Variants in GRHL2 observed in about 807,000 individuals in gnomAD.
GRHL2 encodes grainyhead-like protein 2 homolog.
GRHL2 carries 21 observed loss-of-function variants against 83.8 expected under a neutral mutation model. That is an observed-to-expected ratio of 0.25 (90% CI 0.18 to 0.36). The LOEUF is 0.36. GRHL2 is among the 10% of genes least tolerant of loss of function. GRHL2 has a pLI of 1.00. For missense variants in GRHL2, 623 were observed against 781.8 expected, an observed-to-expected ratio of 0.80 and a Z score of 2.42; for synonymous variants, 280 against 278.9, an observed-to-expected ratio of 1.00 and a Z score of -0.04.
At chr8:101,633,788 A>G (rs1006073800) in intron 11 of GRHL2, among the ~76,000 whole-genome samples, 3 of 151,914 alleles carry the variant, frequency 2.0e-5, no homozygotes, top group Non-Finnish European at 4.4e-5. Context: ...TCTGTGCCCC[A>G]TGGGATTTTA....
intron 7 of GRHL2, among the ~76,000 whole-genome samples, chr8:101,583,263 T>G (rs1700159160): frequency 1.3e-5 from 2 of 152,194 alleles, no homozygotes; most frequent in African/African-American, 4.8e-5. Flanking sequence ...AGGGATGGAC[T>G]GGCAATGGAA....
chr8:101,492,529 C>T lies in GRHL2; in HGVS notation c.-241C>T, dbSNP rs185836435. 175 of 613,068 alleles carry T rather than the reference C, an allele frequency of 2.9e-4. 1 individual carries two copies. In the African/African-American group the frequency reaches 3.0e-3, roughly 11 times the overall value. The allele number at this position is 613,068 out of a possible 1,614,324, so 38.0% of individuals were successfully genotyped here. ...CCAGGAGGACTCCGCGCCGCCCGGC[C>T]GCCTCCGAGCTCGGGCCCCATGTGA... On this transcript the variant is annotated 5_prime_UTR_variant, in exon 1 of 16. Transcript: ENST00000646743.
intron 4 of GRHL2, among the ~76,000 whole-genome samples, chr8:101,559,346 A>G (rs1471781515): frequency 2.1e-5 from 2 of 96,424 alleles, no homozygotes; most frequent in South Asian, 3.3e-4. Context: ...TGTCTCTACT[A>G]AAAATACAAA....
chr8:101,574,054 G>A (rs1811883349), intron 6 of GRHL2, among the ~76,000 whole-genome samples: 2 of 152,210 alleles, frequency 1.3e-5, no homozygotes. Context: ...CTGTCTGACT[G>A]TATCCGAGGA....
chr8:101,564,450 AG>A (rs1248860295), intron 4 of GRHL2, among the ~76,000 whole-genome samples: 1 of 152,164 alleles, frequency 6.6e-6, no homozygotes, highest in Non-Finnish European at 1.5e-5. Context: ...CAGTGGTAGC[AG>A]GGAAGGGAGT....
chr8:101,625,948 T>A (rs889393165), intron 9 of GRHL2, among the ~76,000 whole-genome samples: 1 of 152,066 alleles, frequency 6.6e-6, no homozygotes, highest in Non-Finnish European at 1.5e-5. Flanking sequence ...CAGGGTGTAT[T>A]CATCGTAATT....
intron 4 of GRHL2, among the ~76,000 whole-genome samples, chr8:101,559,353 C>CAAAAAAAAAAAAAAAAAAAAAA (rs34176940): frequency 1.0e-4 from 9 of 88,966 alleles, no homozygotes; most frequent in African/African-American, 3.3e-4. Context: ...ACTAAAAATA[C>CAAAAAAAAAAAAAAAAAAAAAA]AAAAAAAAAA....
At chr8:101,526,333 G>A (rs1353587452) in intron 1 of GRHL2, among the ~76,000 whole-genome samples, 2 of 152,008 alleles carry the variant, frequency 1.3e-5, no homozygotes, top group African/African-American at 4.8e-5. Context: ...AACTTATATT[G>A]TGTGTTATTC....
intron 1 of GRHL2, among the ~76,000 whole-genome samples, chr8:101,515,444 A>G (rs1246380734): frequency 3.9e-5 from 6 of 152,162 alleles, no homozygotes; most frequent in African/African-American, 1.4e-4. Context: ...ATAGTGAGGA[A>G]AAAGAAAATG....
intron 9 of GRHL2, among the ~76,000 whole-genome samples, chr8:101,623,986 T>TCACAGTAGGACAGTA (rs1181012462): frequency 3.5e-3 from 281 of 79,782 alleles, no homozygotes; most frequent in African/African-American, 0.013. Flanking sequence ...ACAGGACAGT[T>TCACAGTAGGACAGTA]CACAGTAGGA....
intron 1 of GRHL2, among the ~76,000 whole-genome samples, chr8:101,512,836 G>A (rs1461376283): frequency 6.6e-6 from 1 of 152,124 alleles, no homozygotes; most frequent in Non-Finnish European, 1.5e-5. Flanking sequence ...CAAAGTACTG[G>A]GTGGCTTATA....
chr8:101,610,421 A>T (rs996442502), intron 8 of GRHL2, among the ~76,000 whole-genome samples: 1 of 150,634 alleles, frequency 6.6e-6, no homozygotes, highest in Non-Finnish European at 1.5e-5. Context: ...TGGGAATGCT[A>T]AGGAGGCCAC....
chr8:101,524,024 CCT>C lies in GRHL2; in HGVS notation c.21-19211_21-19210del, dbSNP rs577432281. Among the ~76,000 whole-genome samples, 554 of 152,208 alleles carry C rather than the reference CCT, an allele frequency of 3.6e-3. 6 individuals carry two copies. Among genetic ancestry groups the C allele is most frequent in the Non-Finnish European group, 4.7e-3 (317 of 68,016 alleles). On this transcript the variant is annotated intron_variant, in intron 1 of 15. Coordinates refer to ENST00000646743, the MANE Select transcript of GRHL2 (RefSeq NM_024915.4). ...TCTTATGTTTTCTCTTCAAGATGTG[CCT>C]CTCTCAGGGTATAACTTGGTTAAGG...
chr8:101,547,345 T>A (rs1169234586), intron 2 of GRHL2, among the ~76,000 whole-genome samples: 1 of 152,234 alleles, frequency 6.6e-6, no homozygotes, highest in African/African-American at 2.4e-5. Context: ...CTTCAGAGGA[T>A]GAATTGATTC....
chr8:101,563,718 T>G (rs998993572), intron 4 of GRHL2, among the ~76,000 whole-genome samples: 22 of 151,524 alleles, frequency 1.5e-4, no homozygotes, highest in African/African-American at 4.9e-4. Context: ...TATTTTTTTT[T>G]TGTTTTTTTT....
At chr8:101,540,451 AT>A (rs1453393399) in intron 1 of GRHL2, among the ~76,000 whole-genome samples, 5 of 152,204 alleles carry the variant, frequency 3.3e-5, no homozygotes, top group Non-Finnish European at 7.3e-5. Context: ...TACCCTTGTA[AT>A]CTAACTCATT....
intron 4 of GRHL2, 121 bp from the exon 5 acceptor site, chr8:101,570,218 T>C (rs1811794258): frequency 7.0e-6 from 6 of 852,738 alleles, no homozygotes; most frequent in Non-Finnish European, 9.8e-6. Context: ...GAAAACATAA[T>C]ATCAAATACA....
rs202007390 is a variant in GRHL2, at chr8:101,619,652, A to G, written c.1212A>G (p.Lys404=). ...DTYSYNNRSN[K]PIHRAYCQIK... ...ACAGTTATAACAATCGTAGCAATAA[A>G]CCCATTCATAGAGCTTATTGCCAGA... is the stretch of plus-strand genomic sequence containing the variant. The change falls in exon 9 of 16, where the codon AAA becomes AAG. Residue 404 remains lysine, a synonymous_variant. Transcript: ENST00000646743. 4.8e-5 allele frequency: 77 copies of G among 1,612,886 alleles called. 1 individual carries two copies. Among genetic ancestry groups the G allele is most frequent in the Non-Finnish European group, 5.8e-5 (68 of 1,179,122 alleles).
downstream of GRHL2, among the ~76,000 whole-genome samples, chr8:101,671,851 C>T (rs543426231): frequency 6.6e-6 from 1 of 152,286 alleles, no homozygotes; most frequent in East Asian, 1.9e-4. Context: ...TTCAGAGGAA[C>T]GATCACGCAG....
Sources: gnomAD v4.1 joint callset for allele counts (sites outside exome capture counted in the v4.1 genomes callset) on GRCh38, gnomAD v4.1.1 for gene constraint, MANE v1.5 for transcripts, NCBI Gene and HGNC (gene_info 2026-07-23, HGNC 2026-07-21) for gene names.